Variants in GRIN3A observed in about 807,000 individuals in gnomAD.
GRIN3A encodes the protein glutamate receptor ionotropic, NMDA 3A.
In GRIN3A, 47 loss-of-function variants were observed where a neutral mutation model predicts 92.4. That is an observed-to-expected ratio of 0.51 (90% confidence interval 0.40 to 0.65). The LOEUF (loss-of-function observed/expected upper bound fraction) is 0.65. Among genes scored for constraint, GRIN3A ranks in the 30% least tolerant of loss-of-function variants. GRIN3A has a pLI of 0.00. For missense variants in GRIN3A, 1,324 were observed against 1,393.1 expected (o/e 0.95, Z 0.79); for synonymous variants, 527 against 540.6 (o/e 0.97, Z 0.35).
chr9:101,628,270 T>C lies in GRIN3A; in HGVS notation c.2484A>G (p.Gly828=). The change falls in exon 4 of 9, where the codon GGA becomes GGG. Residue 828 remains glycine, a synonymous_variant. Coordinates refer to ENST00000361820, the MANE Select transcript of GRIN3A (RefSeq NM_133445.3). ...RRYNVPATPD[G]VEYLKNDPEK... is the part of the protein sequence containing the mutation. ...TTGACACTCACTTCAGATACTCCAC[T>C]CCATCAGGGGTGGCTGGAACATTGT... 6.2e-7 allele frequency: 1 copy of C among 1,613,772 alleles called. No homozygotes were observed. Among genetic ancestry groups the C allele is most frequent in the Non-Finnish European group, 8.5e-7 (1 of 1,179,856 alleles).
chr9:101,647,673 CTTA>C (rs1185099461), intron 3 of GRIN3A, among the ~76,000 whole-genome samples: 2 of 151,816 alleles, frequency 1.3e-5, no homozygotes, highest in Non-Finnish European at 2.9e-5. Context: ...AGTCTTGTTA[CTTA>C]TTATTAGTCT....
At chr9:101,687,676 G>A (rs1043398265) in intron 1 of GRIN3A, among the ~76,000 whole-genome samples, 4 of 152,224 alleles carry the variant, frequency 2.6e-5, no homozygotes, top group Non-Finnish European at 4.4e-5. Flanking sequence ...TGATGTGAAA[G>A]ATGGATGCAT....
chr9:101,579,671 A>AGTTCCTGGCCTTGATTG (rs1564118015), intron 6 of GRIN3A, among the ~76,000 whole-genome samples: 1 of 152,172 alleles, frequency 6.6e-6, no homozygotes, highest in Non-Finnish European at 1.5e-5. Context: ...TTAAAAACTG[A>AGTTCCTGGCCTTGATTG]GTTCCTGGCC....
rs907544738 is a variant in GRIN3A at position 101,573,269 on chromosome 9, G to T, written c.3253C>A (p.Gln1085Lys). Residue 1085 changes from glutamine (Q) to lysine (K), a missense_variant, in exon 9 of 9, where the codon CAG (glutamine) becomes AAG (lysine). Transcript: ENST00000361820. ...AGCTCCTGACGGATCACCTGAATCT[G>T]CTTCTCGAGCTCTGAGAGTTCCTGC... ...VMQELSELEKQIQVIRQELQL... is the reference protein window; with the variant it reads ...VMQELSELEKKIQVIRQELQL... 1 of 1,614,076 alleles carries T rather than the reference G, an allele frequency of 6.2e-7. No homozygotes were observed. The highest frequency in any genetic ancestry group is 8.5e-7 in the Non-Finnish European group (1 of 1,179,974).
intron 3 of GRIN3A, among the ~76,000 whole-genome samples, chr9:101,630,578 A>T (rs971066741): frequency 1.3e-5 from 2 of 152,230 alleles, no homozygotes; most frequent in African/African-American, 4.8e-5. Flanking sequence ...CTGATCAAAG[A>T]CATTCAGCTT....
In GRIN3A at chr9:101,570,173, C is replaced by A. The variant is rs1355139321; in HGVS notation, c.*3001G>T. On this transcript the variant is annotated 3_prime_UTR_variant, in exon 9 of 9. Coordinates refer to ENST00000361820, the MANE Select transcript of GRIN3A (RefSeq NM_133445.3). ...TACACACTCTGGGGCCTTGATTATTCTTATTTACACGAACCAGGTAGCTAT... is the reference window on the plus strand; with the variant it reads ...TACACACTCTGGGGCCTTGATTATTATTATTTACACGAACCAGGTAGCTAT... 1.3e-5 allele frequency: 2 copies of A among 152,134 alleles called. No individual in the cohort carries two copies. Among genetic ancestry groups the A allele is most frequent in the East Asian group, 1.9e-4 (1 of 5,194 alleles). The allele number at this position is 152,134 out of a possible 1,614,324, so 9.4% of individuals were successfully genotyped here.
At chr9:101,573,908 A>T (rs1827794404) in intron 8 of GRIN3A, among the ~76,000 whole-genome samples, 1 of 151,948 alleles carries the variant, frequency 6.6e-6, no homozygotes, top group Non-Finnish European at 1.5e-5. Context: ...TAAAAGCAAA[A>T]TCTATTTATT....
intron 3 of GRIN3A, among the ~76,000 whole-genome samples, chr9:101,642,422 G>A (rs929012914): frequency 2.0e-5 from 3 of 152,162 alleles, no homozygotes; most frequent in Non-Finnish European, 4.4e-5. Flanking sequence ...TGTTGGCAAT[G>A]ACTTTATGAA....
chr9:101,633,984 A>G (rs1434877284), intron 3 of GRIN3A, among the ~76,000 whole-genome samples: 1 of 152,082 alleles, frequency 6.6e-6, no homozygotes, highest in Non-Finnish European at 1.5e-5. Context: ...TAATATTCCT[A>G]TGAAGTGCCT....
At chr9:101,736,647 T>C (rs1830209207) in intron 1 of GRIN3A, among the ~76,000 whole-genome samples, 1 of 152,186 alleles carries the variant, frequency 6.6e-6, no homozygotes, top group Admixed American at 6.5e-5. Context: ...CACTTTTATA[T>C]ATTTCTAATG....
chr9:101,702,040 G>A (rs1262749964), intron 1 of GRIN3A, among the ~76,000 whole-genome samples: 6 of 151,926 alleles, frequency 3.9e-5, no homozygotes, highest in Non-Finnish European at 8.8e-5. Context: ...GGTGGCTAAC[G>A]CCTGTAATCT....
At chr9:101,711,174 T>A (rs1269414783) in intron 1 of GRIN3A, among the ~76,000 whole-genome samples, 2 of 152,170 alleles carry the variant, frequency 1.3e-5, no homozygotes, top group Admixed American at 1.3e-4. Flanking sequence ...AGGCTACTAC[T>A]GAACTTCTGA....
chr9:101,615,742 G>A (rs1426426604), intron 5 of GRIN3A, among the ~76,000 whole-genome samples: 1 of 152,194 alleles, frequency 6.6e-6, no homozygotes, highest in Non-Finnish European at 1.5e-5. Context: ...TTGGGGCACA[G>A]TAGAGCCCAG....
chr9:101,698,453 T>C (rs899303282), intron 1 of GRIN3A, among the ~76,000 whole-genome samples: 10 of 152,160 alleles, frequency 6.6e-5, no homozygotes, highest in Admixed American at 5.9e-4. Flanking sequence ...ATGAGGGTAC[T>C]GTCATTAGGT....
intron 5 of GRIN3A, among the ~76,000 whole-genome samples, chr9:101,617,736 G>A (rs1828482950): frequency 6.8e-6 from 1 of 146,970 alleles, no homozygotes; most frequent in Non-Finnish European, 1.5e-5. Flanking sequence ...CCACGCTGGT[G>A]CGCTGCACCC....
At chr9:101,592,770 CT>C (rs1828050159) in intron 6 of GRIN3A, 1 of 106,884 alleles carries the variant, frequency 9.4e-6, no homozygotes, top group African/African-American at 3.6e-5. Context: ...TTTTTTTTTT[CT>C]ATTTTGGTCA....
At chr9:101,665,411 G>A (rs1203372925) in intron 3 of GRIN3A, among the ~76,000 whole-genome samples, 2 of 151,990 alleles carry the variant, frequency 1.3e-5, no homozygotes, top group East Asian at 1.9e-4. Context: ...ACAGCAGGCA[G>A]GTGTTCAAGA....
chr9:101,672,444 C>A (rs1028220248), intron 2 of GRIN3A, among the ~76,000 whole-genome samples: 1 of 152,004 alleles, frequency 6.6e-6, no homozygotes, highest in Non-Finnish European at 1.5e-5. Context: ...AAATCCATGG[C>A]AGTTACTCAA....
chr9:101,659,316 A>G (rs1312234253), intron 3 of GRIN3A, among the ~76,000 whole-genome samples: 1 of 151,596 alleles, frequency 6.6e-6, no homozygotes, highest in Non-Finnish European at 1.5e-5. Flanking sequence ...ACACATAAAT[A>G]TTTATAGATA....
Sources: allele counts gnomAD v4.1 joint callset (sites outside exome capture counted in the v4.1 genomes callset), GRCh38; gene constraint gnomAD v4.1.1; transcripts MANE v1.5; gene names NCBI Gene and HGNC (gene_info 2026-07-23, HGNC 2026-07-21).